The following ADAMTS3 variants were observed in gnomAD, a reference collection of about 807,000 sequenced individuals.
ADAMTS3 encodes A disintegrin and metalloproteinase with thrombospondin motifs 3.
A neutral mutation model predicts 129.0 loss-of-function variants in ADAMTS3; 73 were observed. That is an observed-to-expected ratio of 0.57 (90% confidence interval 0.47 to 0.69). The LOEUF is 0.69. Among genes scored for constraint, ADAMTS3 ranks in the 30% least tolerant of loss-of-function variants. ADAMTS3 has a pLI of 0.00. For missense variants in ADAMTS3, 1,457 were observed against 1,514.5 expected, an observed-to-expected ratio of 0.96 and a Z score of 0.63; for synonymous variants, 477 against 510.8, an observed-to-expected ratio of 0.93 and a Z score of 0.89.
At chr4:72,521,320 G>C (rs898711433) in intron 3 of ADAMTS3, among the ~76,000 whole-genome samples, 1 of 152,024 alleles carries the variant, frequency 6.6e-6, no homozygotes, top group Non-Finnish European at 1.5e-5. Flanking sequence ...CTTTATGTCA[G>C]GTAATCGAGG....
At chr4:72,526,811 T>C (rs1720829341) in intron 3 of ADAMTS3, among the ~76,000 whole-genome samples, 1 of 143,750 alleles carries the variant, frequency 7.0e-6, no homozygotes, top group South Asian at 2.3e-4. Context: ...GAGGAATCCA[T>C]ACATGTATCT....
intron 3 of ADAMTS3, among the ~76,000 whole-genome samples, chr4:72,515,898 T>C (rs1348013486): frequency 6.6e-6 from 1 of 152,248 alleles, no homozygotes; most frequent in African/African-American, 2.4e-5. Context: ...GTTTTAGACA[T>C]GAAGTCCTTG....
At chr4:72,523,512 T>A (rs1470732194) in intron 3 of ADAMTS3, among the ~76,000 whole-genome samples, 1 of 152,126 alleles carries the variant, frequency 6.6e-6, no homozygotes, top group Non-Finnish European at 1.5e-5. Context: ...GAAAACTTAT[T>A]GTCTGCCCAG....
At chr4:72,318,195 C>T (rs1261856644) in intron 10 of ADAMTS3, among the ~76,000 whole-genome samples, 1 of 152,054 alleles carries the variant, frequency 6.6e-6, no homozygotes, top group African/African-American at 2.4e-5. Context: ...AAATCTAAGG[C>T]TTAACAGTCA....
chr4:72,532,669 T>A (rs1183255758), intron 3 of ADAMTS3, among the ~76,000 whole-genome samples: 1 of 152,286 alleles, frequency 6.6e-6, no homozygotes, highest in South Asian at 2.1e-4. Context: ...CCGTACATAG[T>A]GTATCCTACT....
At chr4:72,475,866 A>G (rs1288184517) in intron 3 of ADAMTS3, among the ~76,000 whole-genome samples, 2 of 152,108 alleles carry the variant, frequency 1.3e-5, no homozygotes, top group African/African-American at 4.8e-5. Flanking sequence ...AGTAAACAAT[A>G]CATTTTAAAT....
chr4:72,370,813 T>C (rs1452328142), intron 4 of ADAMTS3, among the ~76,000 whole-genome samples: 1 of 152,104 alleles, frequency 6.6e-6, no homozygotes, highest in Non-Finnish European at 1.5e-5. Context: ...ATCCCAAATA[T>C]ATCACGAATT....
intron 3 of ADAMTS3, among the ~76,000 whole-genome samples, chr4:72,474,399 A>T (rs1460606520): frequency 6.6e-6 from 1 of 152,176 alleles, no homozygotes; most frequent in African/African-American, 2.4e-5. Context: ...ACAACAGAAA[A>T]ATATGGTAAC....
At chr4:72,306,624 T>C (rs1719096005) in intron 15 of ADAMTS3, among the ~76,000 whole-genome samples, 1 of 151,958 alleles carries the variant, frequency 6.6e-6, no homozygotes, top group Non-Finnish European at 1.5e-5. Flanking sequence ...TTGTGATCAG[T>C]ATTAATTTTA....
At chr4:72,499,319 T>C (rs967227622) in intron 3 of ADAMTS3, among the ~76,000 whole-genome samples, 2 of 152,186 alleles carry the variant, frequency 1.3e-5, no homozygotes, top group African/African-American at 4.8e-5. Context: ...GCACTGTACA[T>C]GTTTTTAATT....
chr4:72,537,328 T>A (rs1276930805), intron 3 of ADAMTS3, among the ~76,000 whole-genome samples: 3 of 152,238 alleles, frequency 2.0e-5, no homozygotes, highest in Non-Finnish European at 2.9e-5. Context: ...TAGCCTTTTT[T>A]GTTACTCCCT....
At chr4:72,364,964 T>C (rs1031264785) in intron 4 of ADAMTS3, among the ~76,000 whole-genome samples, 1 of 152,196 alleles carries the variant, frequency 6.6e-6, no homozygotes, top group Non-Finnish European at 1.5e-5. Flanking sequence ...AAGTTTCTGT[T>C]TGTTTTGCTT....
intron 2 of ADAMTS3, among the ~76,000 whole-genome samples, chr4:72,565,929 C>T (rs1259264355): frequency 6.6e-6 from 1 of 152,138 alleles, no homozygotes; most frequent in Non-Finnish European, 1.5e-5. Flanking sequence ...GATCTTAAGA[C>T]ATCTTTTTAA....
intron 3 of ADAMTS3, among the ~76,000 whole-genome samples, chr4:72,474,433 A>T (rs1472829595): frequency 6.6e-6 from 1 of 152,192 alleles, no homozygotes; most frequent in Non-Finnish European, 1.5e-5. Flanking sequence ...TCATTTGGAA[A>T]GGCTCAACAG....
intron 3 of ADAMTS3, among the ~76,000 whole-genome samples, chr4:72,508,329 T>C (rs1028100458): frequency 6.6e-6 from 1 of 152,088 alleles, no homozygotes; most frequent in African/African-American, 2.4e-5. Context: ...TTAAAATGGG[T>C]TAGTGGTTAA....
intron 3 of ADAMTS3, among the ~76,000 whole-genome samples, chr4:72,437,064 T>A (rs1471432718): frequency 6.6e-6 from 1 of 151,794 alleles, no homozygotes; most frequent in Admixed American, 6.6e-5. Flanking sequence ...CTTTATCAAA[T>A]GTTGAGTTTG....
At chr4:72,318,146 C>T (rs912932791) in intron 10 of ADAMTS3, among the ~76,000 whole-genome samples, 1 of 152,112 alleles carries the variant, frequency 6.6e-6, no homozygotes, top group Non-Finnish European at 1.5e-5. Flanking sequence ...TATGGTCACA[C>T]ATACATGGAA....
intron 3 of ADAMTS3, among the ~76,000 whole-genome samples, chr4:72,431,359 T>C (rs1025048973): frequency 5.9e-5 from 9 of 151,894 alleles, no homozygotes; most frequent in Non-Finnish European, 8.8e-5. Context: ...AATAAACCAG[T>C]AAACAGGTAA....
At chr4:72,500,529 A>G (rs989658078) in intron 3 of ADAMTS3, among the ~76,000 whole-genome samples, 9 of 152,134 alleles carry the variant, frequency 5.9e-5, no homozygotes, top group African/African-American at 1.7e-4. Context: ...TGTCAGATGC[A>G]TAGTTTGCAA....
Sources: allele counts gnomAD v4.1 joint callset (sites outside exome capture counted in the v4.1 genomes callset), GRCh38; gene constraint gnomAD v4.1.1; transcripts MANE v1.5; gene names NCBI Gene and HGNC (gene_info 2026-07-23, HGNC 2026-07-21).